Variants in YPEL2 observed in about 807,000 individuals in gnomAD.
YPEL2 encodes protein yippee-like 2.
YPEL2 carries 2 observed loss-of-function variants against 19.1 expected under a neutral mutation model. The observed-to-expected ratio is 0.10, with a 90% CI of 0.04 to 0.33. The LOEUF is 0.33. Ranked by LOEUF, YPEL2 falls within the 10% of genes least tolerant of loss-of-function variation. The pLI is 1.00. For synonymous variants in YPEL2, 52 were observed against 50.0 expected (o/e 1.04, Z -0.17); for missense variants, 66 against 140.7 (o/e 0.47, Z 2.68).
At chr17:59,397,062 G>A (rs771516239) in intron 4 of YPEL2, 39 bp from the exon 5 acceptor site, 1 of 1,502,838 alleles carries the variant, frequency 6.7e-7, no homozygotes, top group South Asian at 1.2e-5. Flanking sequence ...TCTTGTCTTT[G>A]GTCGTTCAGT....
rs1056291255 is a variant in YPEL2, at chr17:59,389,293, G to A, written c.162-67G>A. ...CTTTCCCAGTTAATTTTTGCTGGAA[G>A]CTCAGCTTGAATGCCTGATGTGCGT... is the stretch of plus-strand genomic sequence containing the variant. On this transcript the variant is annotated intron_variant, in intron 3 of 4. Coordinates refer to ENST00000312655, the MANE Select transcript of YPEL2 (RefSeq NM_001005404.4). 5 of 1,425,524 alleles carry A rather than the reference G, an allele frequency of 3.5e-6. No individual in the cohort carries two copies. The African/African-American group carries it at 5.6e-5, about 16-fold the overall frequency. The allele number at this position is 1,425,524 out of a possible 1,614,324, so 88.3% of individuals were successfully genotyped here.
chr17:59,343,630 G>A (rs542587840), intron 1 of YPEL2, among the ~76,000 whole-genome samples: 1 of 152,272 alleles, frequency 6.6e-6, no homozygotes, highest in African/African-American at 2.4e-5. Context: ...ATAATGTAAG[G>A]AGCACAGGAT....
intron 2 of YPEL2, among the ~76,000 whole-genome samples, chr17:59,372,280 T>C (rs2047900762): frequency 6.6e-6 from 1 of 152,206 alleles, no homozygotes; most frequent in South Asian, 2.1e-4. Context: ...TAGATCTGAG[T>C]AGCACTTCCT....
At chr17:59,371,611 T>C (rs2147948627) in intron 2 of YPEL2, among the ~76,000 whole-genome samples, 1 of 152,254 alleles carries the variant, frequency 6.6e-6, no homozygotes, top group East Asian at 1.9e-4. Flanking sequence ...CTCTCAGAGA[T>C]GTTTCATTCC....
chr17:59,351,770 A>G (rs1167770312), intron 1 of YPEL2, among the ~76,000 whole-genome samples: 1 of 152,226 alleles, frequency 6.6e-6, no homozygotes, highest in Non-Finnish European at 1.5e-5. Context: ...TCCCTTCAAC[A>G]GTCAGATAGC....
At position 59,397,722 on chromosome 17, in the gene YPEL2, T is replaced by A. The variant is rs1006527431; in HGVS notation, c.*532T>A. 6.6e-6 allele frequency: 1 copy of A among 152,230 alleles called. No individual in the cohort carries two copies. Among genetic ancestry groups the A allele is most frequent in the Non-Finnish European group, 1.5e-5 (1 of 68,070 alleles). 9.4% of individuals were successfully genotyped at this position (152,230 alleles called of 1,614,324 possible). ...AGAGAAAAAAAAAATACCTCATGAC[T>A]GCATTCTCTCTGACTAGAAGCTTCT... On this transcript the variant is annotated 3_prime_UTR_variant, in exon 5 of 5. Transcript: ENST00000312655.
In YPEL2 at chr17:59,400,648, A is replaced by G. The variant is rs1258339389; in HGVS notation, c.*3458A>G. On this transcript the variant is annotated 3_prime_UTR_variant, in exon 5 of 5. Transcript: ENST00000312655. ...CAGTATTGGCTAGAAAAGAAAATAAATAAAACCAAGTTAATTTAGTAGTAA... is the reference window on the plus strand; with the variant it reads ...CAGTATTGGCTAGAAAAGAAAATAAGTAAAACCAAGTTAATTTAGTAGTAA... 6.6e-6 allele frequency: 1 copy of G among 152,664 alleles called. No homozygotes were observed. The highest frequency in any genetic ancestry group is 1.9e-4 in the East Asian group (1 of 5,206). 9.5% of individuals were successfully genotyped at this position (152,664 alleles called of 1,614,324 possible).
rs2047796664 is a variant in YPEL2 at position 59,353,355 on chromosome 17, C to T, written c.-55C>T. 2.2e-6 allele frequency: 3 copies of T among 1,337,554 alleles called. No homozygotes were observed. Among genetic ancestry groups the T allele is most frequent in the Middle Eastern group, 1.9e-4 (1 of 5,136 alleles). 82.9% of individuals were successfully genotyped at this position (1,337,554 alleles called of 1,614,324 possible). ...TCCGGTGTTTCCCGTGCGACCCATC[C>T]TGTGGGAGTGCCTCGTGGGCTGCCC... On this transcript the variant is annotated 5_prime_UTR_variant, in exon 2 of 5. Transcript: ENST00000312655. This position sits in a 1 kb window ranked among gnomAD's most constrained non-coding sequence, Gnocchi z 4.8.
chr17:59,394,582 A>G (rs1276370273), intron 4 of YPEL2, among the ~76,000 whole-genome samples: 6 of 151,276 alleles, frequency 4.0e-5, no homozygotes, highest in Admixed American at 1.3e-4. Context: ...GTGGCTGGGC[A>G]GAGACGCTCC....
chr17:59,372,522 C>A (rs868033065), intron 2 of YPEL2, among the ~76,000 whole-genome samples: 2 of 152,152 alleles, frequency 1.3e-5, no homozygotes, highest in Admixed American at 6.5e-5. Context: ...ACTCTGTGGT[C>A]TAACCGGCTG....
At chr17:59,341,846 T>A (rs929782345) in intron 1 of YPEL2, among the ~76,000 whole-genome samples, 13 of 152,074 alleles carry the variant, frequency 8.5e-5, no homozygotes, top group Non-Finnish European at 1.8e-4. Context: ...TGCTGTAGAG[T>A]GAGTCTCCTC....
At chr17:59,356,182 C>A (rs1057449163) in intron 2 of YPEL2, 1 of 151,952 alleles carries the variant, frequency 6.6e-6, no homozygotes, top group African/African-American at 2.4e-5. Flanking sequence ...GTTTCAGAAT[C>A]TGCCCAGTGG....
chr17:59,357,497 T>C (rs1264836093), intron 2 of YPEL2, among the ~76,000 whole-genome samples: 1 of 152,216 alleles, frequency 6.6e-6, no homozygotes, highest in African/African-American at 2.4e-5. Context: ...GTCTAAATGC[T>C]GGAGTGTTTG....
At chr17:59,368,799 G>A (rs1051384343) in intron 2 of YPEL2, among the ~76,000 whole-genome samples, 1 of 152,180 alleles carries the variant, frequency 6.6e-6, no homozygotes, top group Non-Finnish European at 1.5e-5. Context: ...ATTGAGATTG[G>A]ATGAGAATAA....
intron 3 of YPEL2, 151 bp from the exon 4 acceptor site, chr17:59,389,209 C>T (rs1276942781): frequency 1.0e-5 from 6 of 592,250 alleles, no homozygotes; most frequent in Admixed American, 5.8e-5. Context: ...TCCCTGTGGC[C>T]ACCTTTTGGG....
intron 1 of YPEL2, among the ~76,000 whole-genome samples, chr17:59,332,657 T>G (rs187515584): frequency 1.3e-5 from 2 of 152,316 alleles, no homozygotes; most frequent in African/African-American, 4.8e-5. Flanking sequence ...TCTGGACTTC[T>G]TGTCCGGAAG....
chr17:59,351,886 A>AGCC (rs2147939583), intron 1 of YPEL2, among the ~76,000 whole-genome samples: 1 of 152,296 alleles, frequency 6.6e-6, no homozygotes, highest in East Asian at 1.9e-4. Context: ...ATTGTCCTTC[A>AGCC]GCCTAGTGCT....
intron 2 of YPEL2, among the ~76,000 whole-genome samples, chr17:59,368,751 C>T (rs1220204209): frequency 6.6e-6 from 1 of 152,156 alleles, no homozygotes; most frequent in Non-Finnish European, 1.5e-5. Flanking sequence ...CTGTGAGGAG[C>T]TGCTAAAAGG....
At chr17:59,379,133 C>T (rs1365587536) in intron 2 of YPEL2, among the ~76,000 whole-genome samples, 1 of 152,188 alleles carries the variant, frequency 6.6e-6, no homozygotes, top group African/African-American at 2.4e-5. Flanking sequence ...TCAGTCTTTC[C>T]TCTTAGCTAA....
Sources: allele counts gnomAD v4.1 joint callset (sites outside exome capture counted in the v4.1 genomes callset), GRCh38; gene constraint gnomAD v4.1.1; non-coding constraint Gnocchi (gnomAD v3.1); transcripts MANE v1.5; gene names NCBI Gene and HGNC (gene_info 2026-07-23, HGNC 2026-07-21).